The following GNG7 variants were observed in gnomAD, a reference collection of about 807,000 sequenced individuals.
GNG7 encodes G protein subunit gamma 7.
Under a neutral mutation model 4.0 loss-of-function variants are expected in GNG7, and 1 was observed. The ratio of observed to expected loss-of-function variants is 0.25; its 90% CI spans 0.09 to 1.18. The LOEUF is 1.18. Among genes scored for constraint, GNG7 ranks in the 50% most tolerant of loss-of-function variants. GNG7 has a pLI of 0.50. For synonymous variants in GNG7, 34 were observed against 36.9 expected (o/e 0.92, Z 0.29); for missense variants, 86 against 91.9 (o/e 0.94, Z 0.26).
intron 2 of GNG7, among the ~76,000 whole-genome samples, chr19:2,608,706 A>G (rs533160931): frequency 6.6e-6 from 1 of 152,252 alleles, no homozygotes; most frequent in South Asian, 2.1e-4. Context: ...CCTTCCCTGC[A>G]TGGGGCAGAC....
At chr19:2,666,693 G>A (rs776564992) in intron 1 of GNG7, among the ~76,000 whole-genome samples, 17 of 152,144 alleles carry the variant, frequency 1.1e-4, no homozygotes, top group Non-Finnish European at 1.9e-4. Flanking sequence ...TCAGCCTTAC[G>A]GAACATATGT....
At chr19:2,600,130 TAAA>T (rs934128880) in intron 2 of GNG7, among the ~76,000 whole-genome samples, 12 of 151,666 alleles carry the variant, frequency 7.9e-5, no homozygotes, top group African/African-American at 2.7e-4. Context: ...TTAAGGCCCT[TAAA>T]CAGCTTGTGT....
intron 3 of GNG7, among the ~76,000 whole-genome samples, chr19:2,543,425 G>A (rs769351876): frequency 9.2e-5 from 14 of 151,810 alleles, no homozygotes; most frequent in Non-Finnish European, 1.8e-4. Flanking sequence ...GGGCCTCACC[G>A]TATTGCTCAG....
At chr19:2,666,465 A>G (rs545118809) in intron 1 of GNG7, among the ~76,000 whole-genome samples, 1 of 152,182 alleles carries the variant, frequency 6.6e-6, no homozygotes, top group East Asian at 1.9e-4. Flanking sequence ...GTGAGCCACC[A>G]TGCCTGCTTT....
chr19:2,612,047 G>A (rs182674760), intron 2 of GNG7, among the ~76,000 whole-genome samples: 1 of 151,890 alleles, frequency 6.6e-6, no homozygotes, highest in South Asian at 2.1e-4. Flanking sequence ...GCTAATTTTA[G>A]TATTTTTAGT....
At chr19:2,696,357 A>AAAGAAAGAAAGAAAGGAAAGGAAGGG (rs1555705100) in intron 1 of GNG7, among the ~76,000 whole-genome samples, 1 of 146,938 alleles carries the variant, frequency 6.8e-6, no homozygotes, top group East Asian at 1.9e-4. Flanking sequence ...AAAAGAAAGA[A>AAAGAAAGAAAGAAAGGAAAGGAAGGG]AAGAAAGAAA....
intron 1 of GNG7, among the ~76,000 whole-genome samples, chr19:2,699,902 G>C (rs770802189): frequency 2.0e-5 from 3 of 152,096 alleles, no homozygotes; most frequent in Non-Finnish European, 4.4e-5. Context: ...GGTTCCTTAC[G>C]GGGTGCCCCT....
intron 2 of GNG7, among the ~76,000 whole-genome samples, chr19:2,577,539 A>G (rs926372339): frequency 9.9e-5 from 15 of 152,042 alleles, no homozygotes; most frequent in Non-Finnish European, 2.1e-4. Flanking sequence ...CAACTCTGCT[A>G]AGCTAGAGTC....
intron 3 of GNG7, among the ~76,000 whole-genome samples, chr19:2,528,359 C>T (rs1487853259): frequency 2.7e-5 from 4 of 148,990 alleles, no homozygotes; most frequent in South Asian, 2.1e-4. Context: ...GATCACGAGG[C>T]CAGGAGATAC....
At chr19:2,675,022 G>GA (rs1568281658) in intron 1 of GNG7, among the ~76,000 whole-genome samples, 1 of 152,128 alleles carries the variant, frequency 6.6e-6, no homozygotes, top group African/African-American at 2.4e-5. Flanking sequence ...GCTGAGACTA[G>GA]AATAGATAAA....
At chr19:2,635,614 G>A (rs769205631) in intron 2 of GNG7, among the ~76,000 whole-genome samples, 32 of 144,916 alleles carry the variant, frequency 2.2e-4, no homozygotes, top group Non-Finnish European at 3.1e-4. Flanking sequence ...ACGGAGTCTC[G>A]CTGTATTGCC....
Position 2,513,002 on chromosome 19 carries a change from G to A in GNG7, c.*2020C>T, listed in dbSNP as rs1041859783. 1.1e-5 allele frequency: 11 copies of A among 985,344 alleles called. No homozygotes were observed. Among genetic ancestry groups the A allele is most frequent in the Non-Finnish European group, 1.3e-5 (11 of 829,970 alleles). The allele number at this position is 985,344 out of a possible 1,614,324, so 61.0% of individuals were successfully genotyped here. The stretch of plus-strand genomic sequence containing the variant: ...CTCCCGGGCCAACAGCAGGTTTGGC[G>A]GGTAGGGCTCCCCGAAGCCCCAGCC... On this transcript the variant is annotated 3_prime_UTR_variant, in exon 5 of 5. Coordinates refer to ENST00000382159, the MANE Select transcript of GNG7 (RefSeq NM_052847.3).
chr19:2,658,107 G>C (rs773415631), intron 1 of GNG7, among the ~76,000 whole-genome samples: 1 of 152,126 alleles, frequency 6.6e-6, no homozygotes, highest in Non-Finnish European at 1.5e-5. Flanking sequence ...GGGCCCAGCT[G>C]TCTTTTCTTT....
intron 1 of GNG7, among the ~76,000 whole-genome samples, chr19:2,682,630 T>C (rs1983767433): frequency 1.6e-5 from 2 of 122,736 alleles, no homozygotes; most frequent in South Asian, 2.5e-4. Flanking sequence ...CACTCCAGCC[T>C]GGGCAACAGG....
intron 1 of GNG7, among the ~76,000 whole-genome samples, chr19:2,679,081 G>A (rs186362168): frequency 6.1e-4 from 93 of 152,236 alleles, no homozygotes; most frequent in African/African-American, 2.2e-3. Context: ...ACGGGATCTT[G>A]CTGTTGCCCA....
chr19:2,589,562 T>C (rs764972402), intron 2 of GNG7, among the ~76,000 whole-genome samples: 1 of 151,746 alleles, frequency 6.6e-6, no homozygotes. Flanking sequence ...CTTCCACGTG[T>C]CTCTGGATCT....
At position 2,634,299 on chromosome 19, in the gene GNG7, G is replaced by A. The variant is rs1321472169; in HGVS notation, c.-78+11925C>T. ...CCTGGGCACTGCGGGGTGCTGAGCA[G>A]TATCCCTGGCCTCCACCCACTCCAT... On this transcript the variant is annotated intron_variant, in intron 2 of 4. Transcript: ENST00000382159. This position sits in a 1 kb window ranked among gnomAD's most constrained non-coding sequence, Gnocchi z 5.3. Among the ~76,000 whole-genome samples, 3 of 152,216 alleles carry A rather than the reference G, an allele frequency of 2.0e-5. No homozygotes were observed. Among genetic ancestry groups the A allele is most frequent in the Non-Finnish European group, 4.4e-5 (3 of 68,046 alleles).
At chr19:2,631,939 G>A (rs749906008) in intron 2 of GNG7, 2 of 152,248 alleles carry the variant, frequency 1.3e-5, no homozygotes, top group Non-Finnish European at 2.9e-5. Context: ...GTGAAAGGAC[G>A]TTGAACCAGC....
chr19:2,511,689 C>T lies in GNG7; in HGVS notation c.*3333G>A. ...GGAGATGGATGCGTGGCCTGGAGGC[C>T]TAGCGTTGCGCCTCGGACACGGTGG... On this transcript the variant is annotated 3_prime_UTR_variant, in exon 5 of 5. Coordinates refer to ENST00000382159, the MANE Select transcript of GNG7 (RefSeq NM_052847.3). The surrounding 1 kb of genome is among the most constrained non-coding windows in gnomAD (Gnocchi z 6.3). 2 of 555,572 alleles carry T rather than the reference C, an allele frequency of 3.6e-6. No individual in the cohort carries two copies. The highest frequency in any genetic ancestry group is 4.6e-6 in the Non-Finnish European group (2 of 436,824). 34.4% of individuals were successfully genotyped at this position (555,572 alleles called of 1,614,324 possible).
Sources: gnomAD v4.1 joint callset for allele counts (sites outside exome capture counted in the v4.1 genomes callset) on GRCh38, gnomAD v4.1.1 for gene constraint, Gnocchi (gnomAD v3.1) non-coding constraint, MANE v1.5 for transcripts, NCBI Gene and HGNC (gene_info 2026-07-23, HGNC 2026-07-21) for gene names.